The following CRB1 variants were observed in gnomAD, a reference collection of about 807,000 sequenced individuals.
CRB1 encodes crumbs cell polarity complex component 1.
A neutral mutation model predicts 120.0 loss-of-function variants in CRB1; 83 were observed. That is an observed-to-expected ratio of 0.69 (90% CI 0.58 to 0.83). CRB1 has a LOEUF of 0.83. CRB1 is among the 40% of genes least tolerant of loss of function. The probability of loss-of-function intolerance (pLI) is 0.00; values close to 1 mark genes in which losing one functional copy is unlikely to be tolerated. For synonymous variants in CRB1, 625 were observed against 612.5 expected, an observed-to-expected ratio of 1.02 and a Z score of -0.30; for missense variants, 1,699 against 1,687.6, an observed-to-expected ratio of 1.01 and a Z score of -0.12.
chr1:197,411,430 G>C (rs1663707624), intron 5 of CRB1, among the ~76,000 whole-genome samples: 1 of 152,140 alleles, frequency 6.6e-6, no homozygotes, highest in South Asian at 2.1e-4. Flanking sequence ...ATTATCAATT[G>C]AAACTCATAG....
intron 11 of CRB1, among the ~76,000 whole-genome samples, chr1:197,446,233 C>A (rs1266253060): frequency 6.6e-6 from 1 of 151,318 alleles, no homozygotes; most frequent in Non-Finnish European, 1.5e-5. Flanking sequence ...TAGGATGTAA[C>A]TAGGATGTAA....
chr1:197,427,225 C>A (rs1318215942), intron 6 of CRB1, among the ~76,000 whole-genome samples: 1 of 152,040 alleles, frequency 6.6e-6, no homozygotes, highest in African/African-American at 2.4e-5. Flanking sequence ...AACTACAAAC[C>A]AAAATATAGT....
intron 11 of CRB1, among the ~76,000 whole-genome samples, chr1:197,448,540 C>T (rs745607099): frequency 8.5e-5 from 13 of 152,168 alleles, no homozygotes; most frequent in Non-Finnish European, 1.5e-4. Flanking sequence ...CTCCACTCTC[C>T]AGCCACATGA....
At chr1:197,475,927 T>C (rs1286865447) in intron 11 of CRB1, among the ~76,000 whole-genome samples, 1 of 152,222 alleles carries the variant, frequency 6.6e-6, no homozygotes, top group Non-Finnish European at 1.5e-5. Context: ...GTTTTTGTTT[T>C]GAGACAGAGT....
intron 1 of CRB1, among the ~76,000 whole-genome samples, chr1:197,326,382 G>A (rs957402500): frequency 6.6e-6 from 1 of 152,122 alleles, no homozygotes; most frequent in Admixed American, 6.5e-5. Context: ...ACTTTGGGAG[G>A]CCTGGATGGC....
chr1:197,309,993 T>C lies in CRB1; in HGVS notation c.71-18429T>C, dbSNP rs189038302. 2.5e-3 allele frequency among the ~76,000 whole-genome samples: 377 copies of C among 152,252 alleles called. 10 individuals carry two copies. Among genetic ancestry groups the C allele is most frequent in the Non-Finnish European group, 3.2e-4 (22 of 68,000 alleles). Reference sequence around the variant, plus strand: ...ATATCTACGTTTGCACACTGGCTGATGAAATGAAAATAGTTTAAACCAGTG... The same window carrying C: ...ATATCTACGTTTGCACACTGGCTGACGAAATGAAAATAGTTTAAACCAGTG... On this transcript the variant is annotated intron_variant, in intron 1 of 11. Coordinates refer to ENST00000367400, the MANE Select transcript of CRB1 (RefSeq NM_201253.3).
intron 2 of CRB1, among the ~76,000 whole-genome samples, chr1:197,342,267 T>A (rs1291731764): frequency 6.6e-6 from 1 of 152,178 alleles, no homozygotes; most frequent in Non-Finnish European, 1.5e-5. Context: ...ACTATTGAAT[T>A]TTTAGCAGAA....
intron 5 of CRB1, among the ~76,000 whole-genome samples, chr1:197,409,049 T>C (rs1558115895): frequency 6.6e-6 from 1 of 152,230 alleles, no homozygotes; most frequent in African/African-American, 2.4e-5. Flanking sequence ...ATAGACTGAA[T>C]CAAATCTTCC....
intron 1 of CRB1, among the ~76,000 whole-genome samples, chr1:197,291,982 A>T (rs990208284): frequency 1.4e-4 from 21 of 152,216 alleles, no homozygotes; most frequent in African/African-American, 4.8e-4. Flanking sequence ...TCTAAAATTG[A>T]CACCCTAACA....
Position 197,274,092 on chromosome 1 carries a change from T to C in CRB1, c.70+5610T>C, listed in dbSNP as rs115780184. ...GTATTAAGCTAAATATGAGTTCATA[T>C]TGATGCCTCTAACTCCATTTCCACA... On this transcript the variant is annotated intron_variant, in intron 1 of 11. Transcript: ENST00000367400. Among the ~76,000 whole-genome samples, 446 of 152,208 alleles carry C rather than the reference T, an allele frequency of 2.9e-3. 2 individuals are homozygous for C. The highest frequency in any genetic ancestry group is 0.01 in the African/African-American group (417 of 41,556).
chr1:197,340,398 C>T (rs764024687), intron 2 of CRB1, among the ~76,000 whole-genome samples: 3 of 152,034 alleles, frequency 2.0e-5, no homozygotes, highest in Non-Finnish European at 4.4e-5. Flanking sequence ...CATTACAAGG[C>T]AATTATGCTT....
At chr1:197,425,024 A>C (rs1260335525) in intron 6 of CRB1, among the ~76,000 whole-genome samples, 2 of 152,052 alleles carry the variant, frequency 1.3e-5, no homozygotes, top group Non-Finnish European at 2.9e-5. Flanking sequence ...AAAAAAAAAT[A>C]CTCTGCATTT....
chr1:197,392,308 A>G (rs919007530), intron 5 of CRB1, among the ~76,000 whole-genome samples: 2 of 152,022 alleles, frequency 1.3e-5, no homozygotes, highest in Admixed American at 6.6e-5. Flanking sequence ...TTAAAGTGAG[A>G]AAAGGGCTCA....
At chr1:197,252,582 A>ATATATATGTGTGTGTGTGTG in the CRB1 span, among the ~76,000 whole-genome samples, 7 of 15,504 alleles carry the variant, frequency 4.5e-4, no homozygotes, top group South Asian at 3.0e-3. Context: ...ATATATATAT[A>ATATATATGTGTGTGTGTGTG]TGTGTGTGTG....
chr1:197,227,180 C>A, the CRB1 span, among the ~76,000 whole-genome samples: 4 of 152,136 alleles, frequency 2.6e-5, no homozygotes, highest in Non-Finnish European at 5.9e-5. Flanking sequence ...CAAAAGTCCA[C>A]AGCCCAGAGT....
At chr1:197,298,958 C>T (rs910860435) in intron 1 of CRB1, among the ~76,000 whole-genome samples, 4 of 151,810 alleles carry the variant, frequency 2.6e-5, no homozygotes, top group African/African-American at 9.7e-5. Context: ...TGTAGGAATA[C>T]ATTTATTTAA....
chr1:197,434,575 A>G, intron 8 of CRB1, 131 bp from the exon 9 acceptor site: 1 of 788,688 alleles, frequency 1.3e-6, no homozygotes, highest in South Asian at 1.7e-5. Context: ...AGCAACTAGC[A>G]CAGTATGTAA....
At chr1:197,318,967 A>G (rs1658016303) in intron 1 of CRB1, among the ~76,000 whole-genome samples, 1 of 152,126 alleles carries the variant, frequency 6.6e-6, no homozygotes, top group Admixed American at 6.6e-5. Context: ...TATATGTTCC[A>G]AAGAGAAGTT....
rs530580946 is a variant in CRB1, at chr1:197,318,630, A to G, written c.71-9792A>G. On this transcript the variant is annotated intron_variant, in intron 1 of 11. Coordinates refer to ENST00000367400, the MANE Select transcript of CRB1 (RefSeq NM_201253.3). ...CTCATCAATTTTTAAATGGATTTAA[A>G]AAGTACTATCACAAGGGAATGTTAT... Among the ~76,000 whole-genome samples, 159 of 152,346 alleles carry G rather than the reference A, an allele frequency of 1.0e-3. 1 individual carries two copies. Among genetic ancestry groups the G allele is most frequent in the South Asian group, 3.1e-3 (15 of 4,828 alleles).
Sources: gnomAD v4.1 joint callset for allele counts (sites outside exome capture counted in the v4.1 genomes callset) on GRCh38, gnomAD v4.1.1 for gene constraint, MANE v1.5 for transcripts, NCBI Gene and HGNC (gene_info 2026-07-23, HGNC 2026-07-21) for gene names.